Variants in GAL observed in about 807,000 individuals in gnomAD.
GAL encodes the protein galanin peptides.
GAL carries 14 observed loss-of-function variants against 15.8 expected under a neutral mutation model. The ratio of observed to expected loss-of-function variants is 0.89; its 90% CI spans 0.59 to 1.39. The LOEUF (loss-of-function observed/expected upper bound fraction) is 1.39. Among genes scored for constraint, GAL ranks in the 40% most tolerant of loss-of-function variants. The pLI is 0.00. For missense variants in GAL, 176 were observed against 170.4 expected, an observed-to-expected ratio of 1.03 and a Z score of -0.18; for synonymous variants, 79 against 73.8, an observed-to-expected ratio of 1.07 and a Z score of -0.36.
At chr11:68,689,402 T>A (rs1423387686) in intron 5 of GAL, among the ~76,000 whole-genome samples, 1 of 151,632 alleles carries the variant, frequency 6.6e-6, no homozygotes, top group Non-Finnish European at 1.5e-5. Context: ...TTTCTCTCTC[T>A]CTTTCTTCCT....
chr11:68,688,617 A>G (rs1330838377), intron 4 of GAL, among the ~76,000 whole-genome samples: 2 of 152,190 alleles, frequency 1.3e-5, no homozygotes, highest in African/African-American at 2.4e-5. Flanking sequence ...CAACAGAGTG[A>G]GACTCCATCT....
At chr11:68,685,530 T>A in intron 2 of GAL, 64 bp from the exon 3 acceptor site, 1 of 1,102,316 alleles carries the variant, frequency 9.1e-7, no homozygotes. Context: ...AAAGCCTGGG[T>A]GCACCCATTC....
chr11:68,684,875 C>T (rs1470356858), intron 1 of GAL, 49 bp from the exon 2 acceptor site: 3 of 1,186,934 alleles, frequency 2.5e-6, no homozygotes, highest in Admixed American at 1.8e-5. Flanking sequence ...TGCCTCGGGG[C>T]GCAGCCCACT....
intron 3 of GAL, 49 bp from the exon 4 acceptor site, chr11:68,687,965 C>A: frequency 1.8e-6 from 2 of 1,132,410 alleles, no homozygotes; most frequent in Non-Finnish European, 2.7e-6. Flanking sequence ...GTGGGGAGGG[C>A]GTGCATGACA....
intron 2 of GAL, 55 bp from the exon 3 acceptor site, chr11:68,685,539 T>G: frequency 2.4e-6 from 3 of 1,266,266 alleles, no homozygotes; most frequent in Non-Finnish European, 1.2e-6. Context: ...GTGCACCCAT[T>G]CAGCATAGGC....
At chr11:68,684,760 G>T in intron 1 of GAL, 28 bp downstream of exon 1, 2 of 517,068 alleles carry the variant, frequency 3.9e-6, no homozygotes, top group Non-Finnish European at 6.9e-6. Context: ...CCGACCCTGC[G>T]CCCCCGGGAG....
Position 68,684,996 on chromosome 11 carries a change from T to C in GAL, c.73T>C (p.Trp25Arg). ...GGCCCTTTCTGCCTCTGCGGGGCTCTGGTCGCCGGTAAGTGCGGGGCGCGT... is the reference window on the plus strand; with the variant it reads ...GGCCCTTTCTGCCTCTGCGGGGCTCCGGTCGCCGGTAAGTGCGGGGCGCGT... ...AAALSASAGL[W>R]SPAKEKRGWT... Residue 25 changes from tryptophan (W) to arginine (R), a missense_variant, in exon 2 of 6, where the codon TGG (tryptophan) becomes CGG (arginine). Transcript: ENST00000265643. 6.3e-7 allele frequency: 1 copy of C among 1,597,206 alleles called. No homozygotes were observed. Among genetic ancestry groups the C allele is most frequent in the Non-Finnish European group, 8.5e-7 (1 of 1,171,004 alleles).
At position 68,686,239 on chromosome 11, in the gene GAL, C is replaced by T. The variant is rs188034935; in HGVS notation, c.136+591C>T. 3.5e-3 allele frequency among the ~76,000 whole-genome samples: 535 copies of T among 152,140 alleles called. 4 individuals are homozygous for T. The highest frequency in any genetic ancestry group is 0.012 in the African/African-American group (502 of 41,448). The stretch of plus-strand genomic sequence containing the variant: ...GGGACACTGCAGGCTGACACCTCCC[C>T]GTGTCCGCCCCCGCCCCTGTCCCAG... On this transcript the variant is annotated intron_variant, in intron 3 of 5. Coordinates refer to ENST00000265643, the MANE Select transcript of GAL (RefSeq NM_015973.5).
At chr11:68,687,919 T>C (rs991599750) in intron 3 of GAL, 95 bp from the exon 4 acceptor site, 1 of 751,196 alleles carries the variant, frequency 1.3e-6, no homozygotes, top group Admixed American at 2.0e-5. Context: ...TGCGTGTGTG[T>C]GTTGGCTACA....
intron 4 of GAL, 63 bp downstream of exon 4, chr11:68,688,163 A>T: frequency 2.0e-6 from 2 of 1,005,346 alleles, no homozygotes; most frequent in Non-Finnish European, 3.2e-6. Flanking sequence ...AGGTGCATGC[A>T]GGGGACAGCT....
chr11:68,685,572 G>T, intron 2 of GAL, 22 bp from the exon 3 acceptor site: 6 of 1,594,370 alleles, frequency 3.8e-6, no homozygotes, highest in Non-Finnish European at 5.2e-6. Flanking sequence ...CCTGGCATCT[G>T]ATCCCCTTTT....
At chr11:68,690,789 G>A (rs1175493806) in intron 5 of GAL, 128 bp from the exon 6 acceptor site, 2 of 688,340 alleles carry the variant, frequency 2.9e-6, no homozygotes. Flanking sequence ...CCTGATTCTG[G>A]GTTTAATCTG....
intron 2 of GAL, 102 bp from the exon 3 acceptor site, chr11:68,685,492 A>T: frequency 1.2e-6 from 1 of 800,078 alleles, no homozygotes; most frequent in Non-Finnish European, 2.2e-6. Flanking sequence ...AAGCACATGC[A>T]TTGTTCTAAG....
At chr11:68,688,479 A>C (rs1263575055) in intron 4 of GAL, among the ~76,000 whole-genome samples, 1 of 152,172 alleles carries the variant, frequency 6.6e-6, no homozygotes, top group Admixed American at 6.5e-5. Flanking sequence ...AAATATAAAA[A>C]TTAGCCAGGC....
intron 4 of GAL, 91 bp downstream of exon 4, chr11:68,688,191 C>A: frequency 1.2e-6 from 1 of 803,078 alleles, no homozygotes; most frequent in Non-Finnish European, 2.2e-6. Context: ...TCGGGGCTGT[C>A]CACAGCTGCA....
chr11:68,687,010 CT>C (rs755244472), intron 3 of GAL, among the ~76,000 whole-genome samples: 6 of 152,164 alleles, frequency 3.9e-5, no homozygotes, highest in Admixed American at 6.5e-5. Context: ...AAAAATGTGC[CT>C]TTGATTTCTA....
Position 68,688,877 on chromosome 11 carries a change from C to A in GAL, c.252C>A (p.Asn84Lys), listed in dbSNP as rs1438135521. ...PGSFDRSIPE[N>K]NIMRTIIEFL... Reference sequence around the variant, plus strand: ...GCTTTGACAGGTCCATACCTGAAAACAATATCATGCGCACAATCATTGAGT... The same window carrying A: ...GCTTTGACAGGTCCATACCTGAAAAAAATATCATGCGCACAATCATTGAGT... Residue 84 changes from asparagine (N) to lysine (K), a missense_variant, in exon 5 of 6, where the codon AAC becomes AAA. Coordinates refer to ENST00000265643, the MANE Select transcript of GAL (RefSeq NM_015973.5). 4 of 1,572,546 alleles carry A rather than the reference C, an allele frequency of 2.5e-6. No individual in the cohort carries two copies. Among genetic ancestry groups the A allele is most frequent in the Non-Finnish European group, 3.5e-6 (4 of 1,142,142 alleles).
At chr11:68,686,685 C>T (rs1045097287) in intron 3 of GAL, among the ~76,000 whole-genome samples, 8 of 152,154 alleles carry the variant, frequency 5.3e-5, no homozygotes, top group Non-Finnish European at 1.0e-4. Flanking sequence ...ACCACAGAGC[C>T]TGCTGGTCTC....
At chr11:68,685,535 C>G in intron 2 of GAL, 59 bp from the exon 3 acceptor site, 1 of 1,172,326 alleles carries the variant, frequency 8.5e-7, no homozygotes. Flanking sequence ...CTGGGTGCAC[C>G]CATTCAGCAT....
Sources: gnomAD v4.1 joint callset for allele counts (sites outside exome capture counted in the v4.1 genomes callset) on GRCh38, gnomAD v4.1.1 for gene constraint, MANE v1.5 for transcripts, NCBI Gene and HGNC (gene_info 2026-07-23, HGNC 2026-07-21) for gene names.